Variants in PRKG1 observed in about 807,000 individuals in gnomAD.
PRKG1 encodes the protein cGMP-dependent protein kinase 1.
PRKG1 carries 35 observed loss-of-function variants against 88.1 expected under a neutral mutation model. The ratio of observed to expected loss-of-function variants is 0.40; its 90% confidence interval spans 0.30 to 0.53. The LOEUF is 0.53. PRKG1 is among the 20% of genes least tolerant of loss of function. The pLI is 0.59. For missense variants in PRKG1, 540 were observed against 839.8 expected, an observed-to-expected ratio of 0.64 and a Z score of 4.41; for synonymous variants, 303 against 292.5, an observed-to-expected ratio of 1.04 and a Z score of -0.37.
chr10:51,605,842 A>C (rs988309431), intron 3 of PRKG1, among the ~76,000 whole-genome samples: 3 of 152,202 alleles, frequency 2.0e-5, no homozygotes, highest in Non-Finnish European at 4.4e-5. Context: ...AGAGGACCTG[A>C]GTGCAATGCA....
At chr10:51,267,740 G>A (rs1179043990) in intron 2 of PRKG1, among the ~76,000 whole-genome samples, 1 of 152,030 alleles carries the variant, frequency 6.6e-6, no homozygotes, top group South Asian at 2.1e-4. Flanking sequence ...TCTTCTAATT[G>A]GTGTAGTCAA....
chr10:51,048,246 T>C (rs960574943), intron 1 of PRKG1, among the ~76,000 whole-genome samples: 7 of 152,052 alleles, frequency 4.6e-5, no homozygotes, highest in Non-Finnish European at 1.0e-4. Flanking sequence ...TGTCTCTCTA[T>C]TTTCTTTTTC....
intron 2 of PRKG1, among the ~76,000 whole-genome samples, chr10:51,203,830 T>C (rs1407282653): frequency 6.6e-6 from 1 of 152,232 alleles, no homozygotes; most frequent in Non-Finnish European, 1.5e-5. Context: ...TATTTCCTCC[T>C]CAGGGACAAA....
chr10:51,525,245 A>G (rs539798051), intron 3 of PRKG1, among the ~76,000 whole-genome samples: 86 of 151,978 alleles, frequency 5.7e-4, no homozygotes, highest in African/African-American at 2.0e-3. Context: ...GGAAGGAAAG[A>G]AAAGAAGAAA....
chr10:51,735,750 A>G (rs1246663642), intron 3 of PRKG1, among the ~76,000 whole-genome samples: 2 of 151,686 alleles, frequency 1.3e-5, no homozygotes, highest in African/African-American at 4.8e-5. Context: ...AGGAATAATG[A>G]CAAGGGAAAG....
Position 51,804,594 on chromosome 10 carries a change from A to T in PRKG1, c.602A>T (p.Asn201Ile). The T allele has an allele frequency of 6.3e-7, 1 of 1,587,672 alleles. No homozygotes were observed. Among genetic ancestry groups the T allele is most frequent in the Non-Finnish European group, 8.6e-7 (1 of 1,156,938 alleles). ...TRTATVKTLV[N>I]VKLWAIDRQC... ...TTTTATTTTTCTCCAGCTCTTGTAA[A>T]TGTAAAACTCTGGGCCATTGATCGA... Residue 201 changes from asparagine to isoleucine, a missense_variant, in exon 4 of 18, where the codon AAT (asparagine) becomes ATT (isoleucine). By Grantham distance (149) the Asn-to-Ile change is moderately radical. Transcript: ENST00000373980.
At chr10:52,283,527 C>T (rs1842047246) in intron 14 of PRKG1, among the ~76,000 whole-genome samples, 1 of 152,060 alleles carries the variant, frequency 6.6e-6, no homozygotes, top group Admixed American at 6.6e-5. Context: ...CAGTCATTGC[C>T]AGAAATAGTT....
At chr10:51,330,156 A>AT (rs68018506) in intron 2 of PRKG1, among the ~76,000 whole-genome samples, 2,775 of 117,080 alleles carry the variant, frequency 0.024, 101 homozygotes, top group African/African-American at 0.082. Context: ...TTTTTTATTT[A>AT]TTTTTTTTTT....
At chr10:51,631,741 A>T (rs1188718797) in intron 3 of PRKG1, among the ~76,000 whole-genome samples, 1 of 152,198 alleles carries the variant, frequency 6.6e-6, no homozygotes, top group Non-Finnish European at 1.5e-5. Flanking sequence ...TCCTGTGAGA[A>T]CTAATGCTGC....
intron 7 of PRKG1, chr10:52,128,326 A>G (rs1419230670): frequency 5.1e-6 from 5 of 985,266 alleles, no homozygotes; most frequent in African/African-American, 3.5e-5. Flanking sequence ...TGTATCAACT[A>G]TGTTCTGCTT....
rs1220627390 is a variant in PRKG1, at chr10:51,948,659, C to A, written c.762+41089C>A. 1.3e-4 allele frequency among the ~76,000 whole-genome samples: 20 copies of A among 151,990 alleles called. 1 individual carries two copies. Among genetic ancestry groups the A allele is most frequent in the Admixed American group, 1.2e-3 (19 of 15,238 alleles). ...CCTGAGAAATAGACTCTGAGTATTA[C>A]TTCTCTGAGTTGTCAAAGACAGAGT... On this transcript the variant is annotated intron_variant, in intron 5 of 17. Coordinates refer to ENST00000373980, the MANE Select transcript of PRKG1 (RefSeq NM_006258.4).
chr10:51,348,931 T>G (rs773102248), intron 2 of PRKG1, among the ~76,000 whole-genome samples: 3 of 152,142 alleles, frequency 2.0e-5, no homozygotes, highest in Non-Finnish European at 4.4e-5. Context: ...ATCTACTCAT[T>G]GGTAGCAGGT....
chr10:51,987,257 T>C (rs1397307380), intron 5 of PRKG1, among the ~76,000 whole-genome samples: 1 of 152,058 alleles, frequency 6.6e-6, no homozygotes, highest in East Asian at 1.9e-4. Flanking sequence ...TGTTCAATGA[T>C]GTATGTACTT....
intron 2 of PRKG1, among the ~76,000 whole-genome samples, chr10:51,427,487 T>C (rs1838623794): frequency 6.6e-6 from 1 of 152,290 alleles, no homozygotes; most frequent in East Asian, 1.9e-4. Flanking sequence ...CTGCCACCTA[T>C]AGAACTCCCT....
intron 7 of PRKG1, among the ~76,000 whole-genome samples, chr10:52,104,929 G>A (rs575050791): frequency 4.6e-5 from 7 of 152,196 alleles, no homozygotes; most frequent in Admixed American, 2.0e-4. Context: ...GAAAGAATGC[G>A]GGGAAATAAA....
chr10:51,275,761 A>G (rs564213055), intron 2 of PRKG1, among the ~76,000 whole-genome samples: 1 of 152,288 alleles, frequency 6.6e-6, no homozygotes, highest in East Asian at 1.9e-4. Flanking sequence ...CCCCCAAAAA[A>G]GAGACCTGTG....
intron 5 of PRKG1, among the ~76,000 whole-genome samples, chr10:51,941,623 T>TC (rs1564718588): frequency 9.9e-6 from 1 of 101,174 alleles, no homozygotes; most frequent in Non-Finnish European, 2.0e-5. Context: ...CCCACAACAG[T>TC]CCCCAGAGTG....
At chr10:51,650,267 T>C (rs1840008701) in intron 3 of PRKG1, among the ~76,000 whole-genome samples, 1 of 152,218 alleles carries the variant, frequency 6.6e-6, no homozygotes, top group Non-Finnish European at 1.5e-5. Context: ...GTGTACCATG[T>C]CATGAAACCT....
In PRKG1 at chr10:51,082,407, C is replaced by T. The variant is rs138311146; in HGVS notation, c.311+7506C>T. Among the ~76,000 whole-genome samples the T allele has an allele frequency of 9.5e-4, 144 of 152,246 alleles. 3 individuals carry two copies. In the South Asian group the frequency reaches 0.01, roughly 11 times the overall value. ...GGACGGCGGTTCCCAAACTTTCCTG[C>T]GCATTAGAATCACATGGGGAACATA... On this transcript the variant is annotated intron_variant, in intron 1 of 17. Coordinates refer to ENST00000373980, the MANE Select transcript of PRKG1 (RefSeq NM_006258.4).
Sources: gnomAD v4.1 joint callset for allele counts (sites outside exome capture counted in the v4.1 genomes callset) on GRCh38, gnomAD v4.1.1 for gene constraint, MANE v1.5 for transcripts, NCBI Gene and HGNC (gene_info 2026-07-23, HGNC 2026-07-21) for gene names.